U2SURP: variants seen among roughly 807,000 people sequenced by gnomAD.
U2SURP encodes the protein U2 snRNP associated SURP domain containing.
U2SURP carries 9 observed loss-of-function variants against 144.9 expected under a neutral mutation model. The observed-to-expected ratio is 0.06, with a 90% CI of 0.04 to 0.11. U2SURP has a LOEUF of 0.11. Among genes scored for constraint, U2SURP ranks in the 10% least tolerant of loss-of-function variants. The pLI is 1.00. For missense variants in U2SURP, 724 were observed against 1,226.7 expected (o/e 0.59, Z 6.12); for synonymous variants, 408 against 396.8 (o/e 1.03, Z -0.33).
intron 1 of U2SURP, among the ~76,000 whole-genome samples, chr3:143,004,043 T>A (rs547069980): frequency 2.0e-5 from 3 of 152,300 alleles, no homozygotes; most frequent in African/African-American, 2.4e-5. Flanking sequence ...AATTGTAAGA[T>A]CATTTTGGCT....
intron 4 of U2SURP, among the ~76,000 whole-genome samples, chr3:143,015,678 A>C (rs983650334): frequency 6.6e-6 from 1 of 152,050 alleles, no homozygotes; most frequent in African/African-American, 2.4e-5. Context: ...AAATTTCCAC[A>C]TGCTATTCAA....
chr3:143,035,970 C>G lies in U2SURP; in HGVS notation c.1942-12C>G. 1 of 1,584,004 alleles carries G rather than the reference C, an allele frequency of 6.3e-7. No homozygotes were observed. The highest frequency in any genetic ancestry group is 8.5e-7 in the Non-Finnish European group (1 of 1,170,350). Reference sequence around the variant, plus strand: ...AAAATAAAAGTTTGTTGTCTGTTTCCTGTTTCTTTAGCAACGGGTAATGAC... The same window carrying G: ...AAAATAAAAGTTTGTTGTCTGTTTCGTGTTTCTTTAGCAACGGGTAATGAC... On this transcript the variant is annotated splice_polypyrimidine_tract_variant and intron_variant, in intron 19 of 27. Coordinates refer to ENST00000473835, the MANE Select transcript of U2SURP (RefSeq NM_001080415.2).
At chr3:143,024,848 C>T (rs1404745325) in intron 13 of U2SURP, among the ~76,000 whole-genome samples, 1 of 151,796 alleles carries the variant, frequency 6.6e-6, no homozygotes, top group Non-Finnish European at 1.5e-5. Context: ...ACGATCGACT[C>T]CAATAAATGT....
intron 1 of U2SURP, among the ~76,000 whole-genome samples, chr3:143,009,630 T>C (rs1247381499): frequency 1.3e-5 from 2 of 150,620 alleles, no homozygotes; most frequent in Admixed American, 1.3e-4. Flanking sequence ...AAGAATGAGA[T>C]GGGAGGGGTC....
chr3:143,046,090 ATATATAC>A (rs1287610760), intron 24 of U2SURP, among the ~76,000 whole-genome samples: 2 of 152,022 alleles, frequency 1.3e-5, no homozygotes, highest in Admixed American at 1.3e-4. Flanking sequence ...ATTCTATAGT[ATATATAC>A]TGTAATTTTG....
At chr3:143,003,564 A>C (rs1320747051) in intron 1 of U2SURP, among the ~76,000 whole-genome samples, 1 of 152,128 alleles carries the variant, frequency 6.6e-6, no homozygotes, top group Non-Finnish European at 1.5e-5. Context: ...AGAGGAAATC[A>C]AAAGTTCTTA....
intron 24 of U2SURP, among the ~76,000 whole-genome samples, chr3:143,049,282 A>G (rs1347631064): frequency 2.0e-5 from 3 of 149,758 alleles, no homozygotes; most frequent in Non-Finnish European, 4.4e-5. Flanking sequence ...AAAAAAAAAA[A>G]AAAAAAAAAA....
rs1560185340 is a variant in U2SURP, at chr3:143,023,072, A to T, written c.1230+8A>T. ...AAAGAGGATTTTGAGAAGGTAATTT[A>T]AAAAATGGACATAAGGCCGCATCTA... On this transcript the variant is annotated splice_region_variant and intron_variant, in intron 12 of 27. Coordinates refer to ENST00000473835, the MANE Select transcript of U2SURP (RefSeq NM_001080415.2). 6.3e-7 allele frequency: 1 copy of T among 1,585,624 alleles called. No individual in the cohort carries two copies. Among genetic ancestry groups the T allele is most frequent in the Non-Finnish European group, 8.6e-7 (1 of 1,165,734 alleles).
intron 1 of U2SURP, among the ~76,000 whole-genome samples, chr3:143,007,950 C>G (rs891358976): frequency 3.9e-5 from 6 of 152,176 alleles, no homozygotes; most frequent in African/African-American, 1.4e-4. Flanking sequence ...GCTGTTTGAA[C>G]TGTTAAAGTT....
At position 143,059,183 on chromosome 3, in the gene U2SURP, G is replaced by A. The variant is rs1935276625; in HGVS notation, c.*2733G>A. 1 of 152,438 alleles carries A rather than the reference G, an allele frequency of 6.6e-6. No individual in the cohort carries two copies. Among genetic ancestry groups the A allele is most frequent in the African/African-American group, 2.4e-5 (1 of 41,552 alleles). The allele number at this position is 152,438 out of a possible 1,614,324, so 9.4% of individuals were successfully genotyped here. ...TGAGCTATAACATGTTGAGAAGTTA[G>A]AAATTAAAACTAACACAACAAAAGG... is the stretch of plus-strand genomic sequence containing the variant. On this transcript the variant is annotated 3_prime_UTR_variant, in exon 28 of 28. Coordinates refer to ENST00000473835, the MANE Select transcript of U2SURP (RefSeq NM_001080415.2).
At chr3:143,041,319 A>G (rs1343122922) in intron 23 of U2SURP, among the ~76,000 whole-genome samples, 3 of 151,966 alleles carry the variant, frequency 2.0e-5, no homozygotes, top group Admixed American at 6.5e-5. Context: ...AATTAACTAA[A>G]AACTGTATTT....
At chr3:143,046,250 T>A (rs1934431783) in intron 24 of U2SURP, among the ~76,000 whole-genome samples, 3 of 149,138 alleles carry the variant, frequency 2.0e-5, no homozygotes, top group African/African-American at 7.3e-5. Flanking sequence ...GATGTTGTGG[T>A]GGCCAGAAGC....
intron 16 of U2SURP, among the ~76,000 whole-genome samples, chr3:143,031,637 A>G (rs1482820833): frequency 6.6e-6 from 1 of 152,254 alleles, no homozygotes; most frequent in African/African-American, 2.4e-5. Context: ...ATAGACTACA[A>G]TATGGTATAA....
intron 13 of U2SURP, chr3:143,026,000 T>A (rs1045707573): frequency 6.6e-6 from 1 of 152,172 alleles, no homozygotes; most frequent in Non-Finnish European, 1.5e-5. Context: ...TAATTTGAGC[T>A]GGGAATGCTA....
chr3:143,037,090 T>G, intron 20 of U2SURP, 89 bp from the exon 21 acceptor site: 2 of 1,288,378 alleles, frequency 1.6e-6, no homozygotes, highest in Non-Finnish European at 2.1e-6. Flanking sequence ...TCCAGTTATG[T>G]TGGCTTGTAC....
At chr3:143,030,449 G>T (rs574647960) in intron 16 of U2SURP, among the ~76,000 whole-genome samples, 63 of 152,278 alleles carry the variant, frequency 4.1e-4, no homozygotes, top group Admixed American at 1.5e-3. Flanking sequence ...AATATTTTAA[G>T]CCCACTGTTG....
chr3:143,039,206 C>G (rs1371871200), intron 23 of U2SURP, among the ~76,000 whole-genome samples: 1 of 151,796 alleles, frequency 6.6e-6, no homozygotes, highest in African/African-American at 2.4e-5. Context: ...TTTGTAGTTA[C>G]TAATTGGTCA....
intron 13 of U2SURP, among the ~76,000 whole-genome samples, chr3:143,024,773 C>T (rs1334468387): frequency 6.6e-6 from 1 of 152,072 alleles, no homozygotes; most frequent in Non-Finnish European, 1.5e-5. Context: ...TCTGCGGCAG[C>T]GGGGGACCAG....
At chr3:143,054,293 T>C (rs563898709) in intron 26 of U2SURP, among the ~76,000 whole-genome samples, 2 of 152,360 alleles carry the variant, frequency 1.3e-5, no homozygotes, top group South Asian at 4.1e-4. Context: ...CCTAAATCTC[T>C]GATTGAGTAA....
Sources: gnomAD v4.1 joint callset for allele counts (sites outside exome capture counted in the v4.1 genomes callset) on GRCh38, gnomAD v4.1.1 for gene constraint, MANE v1.5 for transcripts, NCBI Gene and HGNC (gene_info 2026-07-23, HGNC 2026-07-21) for gene names.